LANCL3: variants seen among roughly 807,000 people sequenced by gnomAD.
LANCL3 encodes LanC like family member 3, also known as lanC-like protein 3.
In LANCL3, 19 loss-of-function variants were observed where a neutral mutation model predicts 26.5. The ratio of observed to expected loss-of-function variants is 0.72; its 90% confidence interval spans 0.50 to 1.05. The LOEUF (loss-of-function observed/expected upper bound fraction) is 1.05. LANCL3 is among the 50% of genes least tolerant of loss of function. The pLI is 0.00. For missense variants in LANCL3, 318 were observed against 362.7 expected (o/e 0.88, Z 1.00); for synonymous variants, 160 against 166.6 (o/e 0.96, Z 0.30).
chrX:37,599,969 C>T (rs1556419855), intron 1 of LANCL3, among the ~76,000 whole-genome samples: 2 of 111,754 alleles, frequency 1.8e-5, no homozygotes, highest in African/African-American at 6.5e-5. Context: ...TGTATTGGCT[C>T]ATCGAGGTGA....
chrX:37,572,059 G>A lies in LANCL3; in HGVS notation c.189G>A (p.Gly63=), dbSNP rs782724300. ...CGGCGGGGGCTAGCGCCTGCCAGGG[G>A]GGGCTTTATGGCGGCGTGGCCGGAG... ...GATAGASACQ[G]GLYGGVAGVA... Residue 63 remains glycine (G), a synonymous_variant, in exon 1 of 5, where the codon GGG becomes GGA. Transcript: ENST00000378619. The A allele has an allele frequency of 1.6e-5, 19 of 1,179,068 alleles. No individual in the cohort carries two copies. Among genetic ancestry groups the A allele is most frequent in the Middle Eastern group, 3.1e-4 (1 of 3,271 alleles).
chrX:37,642,877 C>T (rs1485261275), intron 1 of LANCL3, among the ~76,000 whole-genome samples: 2 of 112,154 alleles, frequency 1.8e-5, no homozygotes, highest in Non-Finnish European at 3.8e-5. Flanking sequence ...TCAGAATTGG[C>T]CTTTCAAAAT....
intron 1 of LANCL3, among the ~76,000 whole-genome samples, chrX:37,642,888 A>G (rs1925902197): frequency 8.9e-6 from 1 of 112,519 alleles, no homozygotes. Flanking sequence ...CTTTCAAAAT[A>G]GGAAGGGCAT....
chrX:37,602,187 A>G (rs1924591848), intron 1 of LANCL3, among the ~76,000 whole-genome samples: 2 of 111,951 alleles, frequency 1.8e-5, no homozygotes, highest in African/African-American at 6.5e-5. Flanking sequence ...GAAGTAACAA[A>G]CTATACCTGA....
At chrX:37,605,186 G>C (rs1430498868) in intron 1 of LANCL3, among the ~76,000 whole-genome samples, 1 of 111,887 alleles carries the variant, frequency 8.9e-6, no homozygotes, top group Non-Finnish European at 1.9e-5. Context: ...GCCAATGTTA[G>C]GTATTAAACT....
At chrX:37,673,209 T>G (rs1043748202) in intron 4 of LANCL3, among the ~76,000 whole-genome samples, 1 of 111,827 alleles carries the variant, frequency 8.9e-6, no homozygotes, top group Non-Finnish European at 1.9e-5. Flanking sequence ...TTCTAATGCT[T>G]TTCCTTCCTG....
chrX:37,610,981 G>A (rs1202547997), intron 1 of LANCL3, among the ~76,000 whole-genome samples: 1 of 112,006 alleles, frequency 8.9e-6, no homozygotes, highest in Non-Finnish European at 1.9e-5. Flanking sequence ...AGGGAGGAAA[G>A]CCAATAAAAT....
intron 1 of LANCL3, among the ~76,000 whole-genome samples, chrX:37,573,705 T>C (rs1392731522): frequency 2.7e-5 from 3 of 112,097 alleles, no homozygotes; most frequent in Non-Finnish European, 3.8e-5. Context: ...TGCATTGCAT[T>C]TGCATCTGCT....
chrX:37,615,189 C>T (rs782129583), intron 1 of LANCL3, among the ~76,000 whole-genome samples: 5 of 111,505 alleles, frequency 4.5e-5, no homozygotes, highest in Admixed American at 2.9e-4. Context: ...AATTTTAATG[C>T]GCGTAGAAGT....
At chrX:37,583,413 A>G (rs1472177029) in intron 1 of LANCL3, among the ~76,000 whole-genome samples, 12 of 111,667 alleles carry the variant, frequency 1.1e-4, no homozygotes, top group East Asian at 2.8e-4. Context: ...TGGGCAGTAT[A>G]GCCATTTTCA....
chrX:37,603,354 C>T (rs1011441657), intron 1 of LANCL3, among the ~76,000 whole-genome samples: 1 of 111,870 alleles, frequency 8.9e-6, no homozygotes, highest in African/African-American at 3.2e-5. Flanking sequence ...TGTATTCTAA[C>T]TTCCCATTGG....
intron 1 of LANCL3, among the ~76,000 whole-genome samples, chrX:37,653,662 C>G (rs954921439): frequency 2.3e-4 from 26 of 111,968 alleles, no homozygotes; most frequent in African/African-American, 7.5e-4. Context: ...CTGATAAAGA[C>G]ACAAAGAGTA....
chrX:37,634,255 T>C (rs1925636066), intron 1 of LANCL3, among the ~76,000 whole-genome samples: 2 of 112,643 alleles, frequency 1.8e-5, no homozygotes, highest in South Asian at 7.4e-4. Flanking sequence ...GGATATAATC[T>C]CCTGGTGCGC....
In LANCL3 at chrX:37,680,194, A is replaced by G. The variant is rs782496462; in HGVS notation, c.*4381A>G. 2 of 111,350 alleles carry G rather than the reference A, an allele frequency of 1.8e-5. No homozygotes were observed. The highest frequency in any genetic ancestry group is 7.6e-4 in the South Asian group (2 of 2,626). 9.2% of individuals were successfully genotyped at this position (111,350 alleles called of 1,213,427 possible). A position where few individuals can be genotyped will look rare whatever the true frequency, so the allele number is the denominator to read the frequency against. On this transcript the variant is annotated 3_prime_UTR_variant, in exon 5 of 5. Coordinates refer to ENST00000378619, the MANE Select transcript of LANCL3 (RefSeq NM_001170331.2). ...AGTCAGATCACAAGTGAGTGTGGCT[A>G]TTCATGAGAATAGGGTGGTGGTGGC...
At chrX:37,643,642 A>G (rs1925922555) in intron 1 of LANCL3, among the ~76,000 whole-genome samples, 1 of 112,453 alleles carries the variant, frequency 8.9e-6, no homozygotes, top group Non-Finnish European at 1.9e-5. Flanking sequence ...AAAAGTAAAT[A>G]CACAGACATG....
intron 1 of LANCL3, among the ~76,000 whole-genome samples, chrX:37,597,024 A>C (rs950916524): frequency 9.0e-6 from 1 of 111,653 alleles, no homozygotes; most frequent in Non-Finnish European, 1.9e-5. Context: ...AGGTACCCCT[A>C]ATTTAGTTTT....
intron 1 of LANCL3, 152 bp from the exon 2 acceptor site, chrX:37,655,536 T>TA (rs1556430475): frequency 1.2e-5 from 5 of 405,220 alleles, no homozygotes; most frequent in Middle Eastern, 7.0e-4. Flanking sequence ...GAATCAGTGG[T>TA]AAAAAAAGAA....
chrX:37,667,497 G>C lies in LANCL3; in HGVS notation c.1103+8G>C, dbSNP rs1166177531. On this transcript the variant is annotated splice_region_variant and intron_variant, in intron 4 of 4. Coordinates refer to ENST00000378619, the MANE Select transcript of LANCL3 (RefSeq NM_001170331.2). The stretch of plus-strand genomic sequence containing the variant: ...CATCTACCGAGCTCAAAGGTCAGCT[G>C]TTCTTTATGGGTCTTTTTTTTTTTC... The C allele has an allele frequency of 2.9e-6, 3 of 1,051,645 alleles. No individual in the cohort carries two copies. Among genetic ancestry groups the C allele is most frequent in the East Asian group, 3.5e-5 (1 of 28,583 alleles). 86.7% of individuals were successfully genotyped at this position (1,051,645 alleles called of 1,213,427 possible).
At chrX:37,582,166 T>C (rs1248369259) in intron 1 of LANCL3, among the ~76,000 whole-genome samples, 1 of 112,472 alleles carries the variant, frequency 8.9e-6, no homozygotes, top group African/African-American at 3.2e-5. Context: ...CCACATTTTC[T>C]TAATCCAGTC....
Sources: allele counts gnomAD v4.1 joint callset (sites outside exome capture counted in the v4.1 genomes callset), GRCh38; gene constraint gnomAD v4.1.1; transcripts MANE v1.5; gene names NCBI Gene and HGNC (gene_info 2026-07-23, HGNC 2026-07-21).